MCM4: variants seen among roughly 807,000 people sequenced by gnomAD.
MCM4 encodes the protein DNA replication licensing factor MCM4.
In MCM4, 60 loss-of-function variants were observed where a neutral mutation model predicts 88.7. The observed-to-expected ratio is 0.68, with a 90% confidence interval of 0.55 to 0.84. The LOEUF (loss-of-function observed/expected upper bound fraction) is 0.84, where lower values mean the gene tolerates loss of function less well. Among genes scored for constraint, MCM4 ranks in the 40% least tolerant of loss-of-function variants. The probability of loss-of-function intolerance (pLI) is 0.00; values close to 1 mark genes in which losing one functional copy is unlikely to be tolerated. For synonymous variants in MCM4, 465 were observed against 410.5 expected, an observed-to-expected ratio of 1.13 and a Z score of -1.61; for missense variants, 1,149 against 1,105.5, an observed-to-expected ratio of 1.04 and a Z score of -0.56.
intron 10 of MCM4, 45 bp downstream of exon 10, chr8:47,967,530 C>G (rs1460684261): frequency 6.2e-7 from 1 of 1,611,514 alleles, no homozygotes; most frequent in Non-Finnish European, 8.5e-7. Context: ...GTCTGGCTTG[C>G]TTTCAATGCT....
chr8:47,966,385 C>G lies in MCM4; in HGVS notation c.1031C>G (p.Ser344Cys). The change falls in exon 9 of 17, where the codon TCC (serine) becomes TGC (cysteine). Residue 344 changes from serine (S) to cysteine (C), a missense_variant. Physicochemically the swap from Ser to Cys is moderately radical, Grantham distance 112 (BLOSUM62 -1). Coordinates refer to ENST00000649973, the MANE Select transcript of MCM4 (RefSeq NM_182746.3). ...THSMALIHNR[S>C]LFSDKQMIKL... is the part of the protein sequence containing the mutation. ...AGCATGGCACTCATCCACAACCGCT[C>G]CCTCTTCTCTGACAAGCAGATGGTG... 1 of 1,611,940 alleles carries G rather than the reference C, an allele frequency of 6.2e-7. No individual in the cohort carries two copies. Among genetic ancestry groups the G allele is most frequent in the East Asian group, 2.2e-5 (1 of 44,800 alleles).
At chr8:47,964,883 C>T (rs968985306) in intron 8 of MCM4, among the ~76,000 whole-genome samples, 171 bp downstream of exon 8, 1 of 152,188 alleles carries the variant, frequency 6.6e-6, no homozygotes, top group Non-Finnish European at 1.5e-5. Flanking sequence ...TATGAACCCC[C>T]TATACTTTTT....
In MCM4 at chr8:47,969,586, C is replaced by T. The variant is rs989483349; in HGVS notation, c.1175-212C>T. Reference sequence around the variant, plus strand: ...GCTTGTCCGTTTCCTGCTGCTATTTCCCTGCTTGCTCATAGCAAGCGGGAG... The same window carrying T: ...GCTTGTCCGTTTCCTGCTGCTATTTTCCTGCTTGCTCATAGCAAGCGGGAG... On this transcript the variant is annotated intron_variant, in intron 10 of 16. Coordinates refer to ENST00000649973, the MANE Select transcript of MCM4 (RefSeq NM_182746.3). 2.3e-5 allele frequency: 13 copies of T among 577,218 alleles called. No individual in the cohort carries two copies. In the East Asian group the frequency reaches 3.7e-4, roughly 16 times the overall value. The allele number at this position is 577,218 out of a possible 1,614,324, so 35.8% of individuals were successfully genotyped here.
chr8:47,967,424 C>G lies in MCM4; in HGVS notation c.1113C>G (p.Ile371Met), dbSNP rs2090910266. The G allele has an allele frequency of 6.2e-7, 1 of 1,614,040 alleles. No homozygotes were observed. Among genetic ancestry groups the G allele is most frequent in the African/African-American group, 1.3e-5 (1 of 74,914 alleles). Residue 371 changes from isoleucine (I) to methionine (M), a missense_variant, in exon 10 of 17, where the codon ATC becomes ATG. Transcript: ENST00000649973. The part of the protein sequence containing the change: ...MPAGQTPHTV[I>M]LFAHNDLVDK... ...CAGGGCAGACACCACACACAGTTAT[C>G]CTGTTTGCTCACAATGATCTCGTTG... is the stretch of plus-strand genomic sequence containing the variant.
chr8:47,970,481 G>A (rs760974849), intron 11 of MCM4, 30 bp from the exon 12 acceptor site: 22 of 1,563,428 alleles, frequency 1.4e-5, no homozygotes, highest in Middle Eastern at 3.4e-4. Context: ...TGCAGAAAAT[G>A]AATGTTTAGA....
intron 15 of MCM4, 87 bp from the exon 16 acceptor site, chr8:47,975,628 G>T: frequency 1.0e-6 from 1 of 994,186 alleles, no homozygotes; most frequent in East Asian, 2.9e-5. Flanking sequence ...CTTTCTAGGT[G>T]ATACTACTAA....
At position 47,975,786 on chromosome 8, in the gene MCM4, G is replaced by A; in HGVS notation, c.2437G>A (p.Gly813Ser). The A allele has an allele frequency of 6.3e-7, 1 of 1,586,496 alleles. No homozygotes were observed. The change falls in exon 16 of 17, where the codon GGC becomes AGC. Residue 813 changes from glycine (G) to serine (S), a missense_variant. Around this residue, in one of 3 missense-constraint regions of MCM4, gnomAD observed 238 missense variants for 241.6 expected, o/e 0.99. Coordinates refer to ENST00000649973, the MANE Select transcript of MCM4 (RefSeq NM_182746.3). ...EALKKLILSKGKTPALKYQQL... is the reference protein window; with the variant it reads ...EALKKLILSKSKTPALKYQQL... ...ATTGAAAAAGCTTATTTTATCTAAG[G>A]GCAAAACACCAGCTCTAAAATACCA...
At chr8:47,964,853 A>G (rs920483204) in intron 8 of MCM4, 141 bp downstream of exon 8, 22 of 660,206 alleles carry the variant, frequency 3.3e-5, no homozygotes, top group South Asian at 2.2e-4. Flanking sequence ...AATAATATAG[A>G]TTCAGTTATC....
At position 47,964,083 on chromosome 8, in the gene MCM4, C is replaced by T. The variant is rs141844315; in HGVS notation, c.694-491C>T. Among the ~76,000 whole-genome samples, 323 of 152,140 alleles carry T rather than the reference C, an allele frequency of 2.1e-3. 1 individual carries two copies. Among genetic ancestry groups the T allele is most frequent in the African/African-American group, 7.1e-3 (294 of 41,506 alleles). On this transcript the variant is annotated intron_variant, in intron 7 of 16. Transcript: ENST00000649973. ...TATTAAAAATACAAAATTAGTCAGG[C>T]GTGGTGGCAAATGCCTGTAATCCCA...
Position 47,970,063 on chromosome 8 carries a change from A to C in MCM4, c.1434+6A>C, listed in dbSNP as rs572758013. The C allele has an allele frequency of 6.2e-7, 1 of 1,611,800 alleles. No individual in the cohort carries two copies. Among genetic ancestry groups the C allele is most frequent in the Admixed American group, 1.7e-5 (1 of 59,644 alleles). Reference sequence around the variant, plus strand: ...AACATGAAGATATAAAGAAGGTAACAGTGGATTTTAAACTAGGGGTTGGGA... The same window carrying C: ...AACATGAAGATATAAAGAAGGTAACCGTGGATTTTAAACTAGGGGTTGGGA... On this transcript the variant is annotated splice_donor_region_variant and intron_variant, in intron 11 of 16. Coordinates refer to ENST00000649973, the MANE Select transcript of MCM4 (RefSeq NM_182746.3).
At chr8:47,967,908 C>T (rs1478771043) in intron 10 of MCM4, among the ~76,000 whole-genome samples, 3 of 152,062 alleles carry the variant, frequency 2.0e-5, no homozygotes, top group Non-Finnish European at 4.4e-5. Context: ...ACTTAATTTC[C>T]CAAATGTATA....
Position 47,972,940 on chromosome 8 carries a change from A to G in MCM4, c.2012A>G (p.Tyr671Cys), listed in dbSNP as rs991671311. The G allele has an allele frequency of 6.8e-6, 11 of 1,614,050 alleles. No individual in the cohort carries two copies. Among genetic ancestry groups the G allele is most frequent in the East Asian group, 2.2e-5 (1 of 44,892 alleles). ...RLAHHLVALY[Y>C]QSEEQAEEEL... ...GCTCACCACCTGGTCGCACTGTACT[A>G]CCAGAGCGAGGAGCAGGCAGAGGAG... Residue 671 changes from tyrosine to cysteine, a missense_variant, in exon 14 of 17, where the codon TAC becomes TGC. Physicochemically the swap from Tyr to Cys is radical, Grantham distance 194. Around this residue, in one of 3 missense-constraint regions of MCM4, gnomAD observed 5 missense variants for 20.9 expected, o/e 0.24. Transcript: ENST00000649973.
Sources: allele counts gnomAD v4.1 joint callset (sites outside exome capture counted in the v4.1 genomes callset), GRCh38; gene constraint gnomAD v4.1.1; regional missense constraint gnomAD v4.1.1; transcripts MANE v1.5; gene names NCBI Gene and HGNC (gene_info 2026-07-23, HGNC 2026-07-21).